The following LARGE1 variants were observed in gnomAD, a reference collection of about 807,000 sequenced individuals.
The protein encoded by LARGE1 is xylosyl- and glucuronyltransferase LARGE1.
LARGE1 carries 43 observed loss-of-function variants against 87.6 expected under a neutral mutation model. That is an observed-to-expected ratio of 0.49 (90% CI 0.38 to 0.63). The LOEUF (loss-of-function observed/expected upper bound fraction) is 0.63. Among genes scored for constraint, LARGE1 ranks in the 30% least tolerant of loss-of-function variants. The pLI, the probability that LARGE1 is intolerant of heterozygous loss-of-function variation, is 0.00. For synonymous variants in LARGE1, 434 were observed against 394.6 expected (o/e 1.10, Z -1.18); for missense variants, 802 against 1,000.2 (o/e 0.80, Z 2.67).
At chr22:33,466,637 T>C (rs988733878) in intron 6 of LARGE1, among the ~76,000 whole-genome samples, 2 of 151,686 alleles carry the variant, frequency 1.3e-5, no homozygotes, top group African/African-American at 2.4e-5. Context: ...AACACTTCTG[T>C]TGTAGAAAGG....
intron 7 of LARGE1, among the ~76,000 whole-genome samples, chr22:33,417,917 C>T (rs1325028242): frequency 6.6e-6 from 1 of 152,154 alleles, no homozygotes; most frequent in Non-Finnish European, 1.5e-5. Context: ...TCCCCTTTGA[C>T]TCTATCTCTT....
chr22:33,297,609 C>CAAAA (rs201010972), intron 12 of LARGE1, among the ~76,000 whole-genome samples: 1 of 62,806 alleles, frequency 1.6e-5, no homozygotes, highest in Admixed American at 2.0e-4. Flanking sequence ...GACTCCGTCT[C>CAAAA]AAAAAAAAAA....
chr22:33,435,548 C>G (rs774629712), intron 6 of LARGE1, among the ~76,000 whole-genome samples: 9 of 152,138 alleles, frequency 5.9e-5, no homozygotes, highest in Non-Finnish European at 1.2e-4. Flanking sequence ...TTCACCCTCT[C>G]TGTAGTCACC....
intron 2 of LARGE1, chr22:33,750,722 C>A (rs2084284157): frequency 6.6e-6 from 1 of 151,928 alleles, no homozygotes; most frequent in Non-Finnish European, 1.5e-5. Flanking sequence ...AGAGCCGTGT[C>A]ATTGCAAGAG....
At chr22:33,115,720 A>G in the LARGE1 span, among the ~76,000 whole-genome samples, 1 of 149,808 alleles carries the variant, frequency 6.7e-6, no homozygotes, top group East Asian at 2.0e-4. Context: ...CGGGACGCTG[A>G]GGCAGAAAAA....
the LARGE1 span, among the ~76,000 whole-genome samples, chr22:33,076,690 A>G: frequency 6.6e-6 from 1 of 152,146 alleles, no homozygotes; most frequent in Admixed American, 6.5e-5. Context: ...AAAAGCCTAC[A>G]GATCTGTCCA....
At chr22:33,817,939 G>T (rs1012178314) in intron 1 of LARGE1, among the ~76,000 whole-genome samples, 1 of 152,018 alleles carries the variant, frequency 6.6e-6, no homozygotes, top group African/African-American at 2.4e-5. Flanking sequence ...GAAAGGGGGA[G>T]GAGAGGAAGG....
intron 1 of LARGE1, among the ~76,000 whole-genome samples, chr22:33,896,857 C>T (rs1030759778): frequency 6.6e-6 from 1 of 152,172 alleles, no homozygotes; most frequent in African/African-American, 2.4e-5. Flanking sequence ...TGCTCTCCCC[C>T]AGCTGTGCTA....
chr22:33,146,133 C>A, the LARGE1 span, among the ~76,000 whole-genome samples: 39 of 152,234 alleles, frequency 2.6e-4, no homozygotes, highest in African/African-American at 8.2e-4. Context: ...ATCCTTGGGA[C>A]AAATACAAGT....
intron 9 of LARGE1, among the ~76,000 whole-genome samples, chr22:33,369,297 A>C (rs2064716814): frequency 6.6e-6 from 1 of 152,188 alleles, no homozygotes; most frequent in African/African-American, 2.4e-5. Context: ...CTTTGCTCTC[A>C]AGAGATTGAT....
chr22:33,454,616 TAAAAA>T (rs563852024), intron 6 of LARGE1, among the ~76,000 whole-genome samples: 1 of 111,480 alleles, frequency 9.0e-6, no homozygotes. Context: ...AGACTCTGTC[TAAAAA>T]AAAAAAAAAA....
intron 1 of LARGE1, among the ~76,000 whole-genome samples, chr22:33,886,004 T>A (rs1274987927): frequency 2.0e-5 from 3 of 152,024 alleles, no homozygotes; most frequent in Non-Finnish European, 4.4e-5. Context: ...CACTGCAGCC[T>A]GGGTGACAGA....
intron 1 of LARGE1, among the ~76,000 whole-genome samples, chr22:33,919,627 C>G (rs747945124): frequency 6.6e-6 from 1 of 152,272 alleles, no homozygotes; most frequent in African/African-American, 2.4e-5. Flanking sequence ...TACCGCCCAA[C>G]AGGGCCCTCT....
intron 11 of LARGE1, among the ~76,000 whole-genome samples, chr22:33,229,367 ATG>A (rs887762221): frequency 5.9e-5 from 9 of 152,106 alleles, no homozygotes; most frequent in Admixed American, 3.3e-4. Context: ...AATTATTTAT[ATG>A]TGTGTGTGTA....
At chr22:33,689,016 A>G (rs1167180163) in intron 2 of LARGE1, among the ~76,000 whole-genome samples, 1 of 152,196 alleles carries the variant, frequency 6.6e-6, no homozygotes, top group Non-Finnish European at 1.5e-5. Context: ...ACACTACATT[A>G]AGTATCAAGC....
intron 6 of LARGE1, among the ~76,000 whole-genome samples, chr22:33,436,025 C>G (rs2067257165): frequency 6.6e-6 from 1 of 152,196 alleles, no homozygotes; most frequent in Non-Finnish European, 1.5e-5. Flanking sequence ...TTGAGTTTTG[C>G]TTTCAGGCTG....
chr22:33,815,147 A>G (rs1339397203), intron 1 of LARGE1, among the ~76,000 whole-genome samples: 1 of 152,196 alleles, frequency 6.6e-6, no homozygotes, highest in Non-Finnish European at 1.5e-5. Flanking sequence ...AGCCCAGCCA[A>G]ACTGGTTCTT....
In LARGE1 at chr22:33,766,316, G is replaced by T. The variant is rs2084898859; in HGVS notation, c.-82-4758C>A. On this transcript the variant is annotated intron_variant, in intron 1 of 14. Transcript: ENST00000397394. ...AAGATCCAACTCTTCGGCCAAGCTGGTCAACTCCTCCTCCTAAACATGTAC... is the reference window on the plus strand; with the variant it reads ...AAGATCCAACTCTTCGGCCAAGCTGTTCAACTCCTCCTCCTAAACATGTAC... Among the ~76,000 whole-genome samples the T allele has an allele frequency of 2.0e-5, 3 of 152,052 alleles. No homozygotes were observed. In the South Asian group the frequency reaches 6.2e-4, roughly 32 times the overall value.
At chr22:33,416,447 T>C (rs2066486294) in intron 7 of LARGE1, among the ~76,000 whole-genome samples, 1 of 152,138 alleles carries the variant, frequency 6.6e-6, no homozygotes, top group Non-Finnish European at 1.5e-5. Flanking sequence ...GCTCTCGGAA[T>C]TGTGTACAGA....
Sources: gnomAD v4.1 joint callset for allele counts (sites outside exome capture counted in the v4.1 genomes callset) on GRCh38, gnomAD v4.1.1 for gene constraint, MANE v1.5 for transcripts, NCBI Gene and HGNC (gene_info 2026-07-23, HGNC 2026-07-21) for gene names.